Variants in BCKDHB observed in about 807,000 individuals in gnomAD.
BCKDHB encodes 2-oxoisovalerate dehydrogenase subunit beta, mitochondrial.
A neutral mutation model predicts 48.5 loss-of-function variants in BCKDHB; 41 were observed. That is an observed-to-expected ratio of 0.85 (90% CI 0.66 to 1.10). The LOEUF (loss-of-function observed/expected upper bound fraction) is 1.10, where lower values mean the gene tolerates loss of function less well. Among genes scored for constraint, BCKDHB ranks in the 50% least tolerant of loss-of-function variants. The probability of loss-of-function intolerance (pLI) is 0.00; values close to 1 mark genes in which losing one functional copy is unlikely to be tolerated. For synonymous variants in BCKDHB, 201 were observed against 174.8 expected (o/e 1.15, Z -1.18); for missense variants, 496 against 494.2 (o/e 1.00, Z -0.03).
chr6:80,282,801 A>G (rs115346724), intron 9 of BCKDHB, among the ~76,000 whole-genome samples: 2,334 of 152,220 alleles, frequency 0.015, 81 homozygotes, highest in African/African-American at 0.053. Flanking sequence ...ATGTACATAC[A>G]TGTCACTTTT....
the BCKDHB span, among the ~76,000 whole-genome samples, chr6:80,392,712 A>G: frequency 1.3e-5 from 2 of 151,528 alleles, no homozygotes; most frequent in African/African-American, 4.8e-5. Context: ...CCAAAACTGT[A>G]TTTTCTTATA....
At chr6:80,379,528 G>C in the BCKDHB span, among the ~76,000 whole-genome samples, 1 of 151,816 alleles carries the variant, frequency 6.6e-6, no homozygotes, top group Non-Finnish European at 1.5e-5. Context: ...TTCACTTCAG[G>C]TCTAGAACAA....
the BCKDHB span, among the ~76,000 whole-genome samples, chr6:80,359,711 C>G: frequency 2.0e-5 from 3 of 152,164 alleles, no homozygotes; most frequent in African/African-American, 4.8e-5. Context: ...TCTCCTGCCT[C>G]AGCCTCCTGA....
At chr6:80,458,155 G>T in the BCKDHB span, among the ~76,000 whole-genome samples, 1 of 152,184 alleles carries the variant, frequency 6.6e-6, no homozygotes, top group African/African-American at 2.4e-5. Flanking sequence ...GAAAAGCCAG[G>T]AGTGTTGAAG....
At chr6:80,397,559 C>CT in the BCKDHB span, among the ~76,000 whole-genome samples, 17 of 152,138 alleles carry the variant, frequency 1.1e-4, no homozygotes. Flanking sequence ...TTACTTTCTG[C>CT]TTTTTAAAAA....
intron 8 of BCKDHB, among the ~76,000 whole-genome samples, chr6:80,232,522 AG>A (rs1582407134): frequency 6.6e-6 from 1 of 151,370 alleles, no homozygotes; most frequent in East Asian, 1.9e-4. Flanking sequence ...CCCCCTTTTC[AG>A]TTATATACAT....
At chr6:80,229,784 A>G (rs915138342) in intron 8 of BCKDHB, among the ~76,000 whole-genome samples, 2 of 152,100 alleles carry the variant, frequency 1.3e-5, no homozygotes, top group African/African-American at 4.8e-5. Context: ...TCATATTATT[A>G]GTAAGAAATA....
intron 8 of BCKDHB, among the ~76,000 whole-genome samples, chr6:80,232,296 C>G (rs1235651265): frequency 3.3e-5 from 5 of 150,176 alleles, no homozygotes; most frequent in South Asian, 2.1e-4. Flanking sequence ...TTTTTAATCT[C>G]TACTTCTGAT....
chr6:80,137,895 G>A (rs1040613744), intron 3 of BCKDHB, among the ~76,000 whole-genome samples: 9 of 151,768 alleles, frequency 5.9e-5, no homozygotes, highest in South Asian at 4.2e-4. Context: ...ACCAGCCTGG[G>A]CAACATAGCA....
At chr6:80,390,321 G>A in the BCKDHB span, among the ~76,000 whole-genome samples, 3 of 12,044 alleles carry the variant, frequency 2.5e-4, no homozygotes, top group South Asian at 0.17. Flanking sequence ...GGGTCACTCC[G>A]CCAGGAAAAA....
chr6:80,117,725 A>C (rs887947896), intron 1 of BCKDHB, among the ~76,000 whole-genome samples: 1 of 152,242 alleles, frequency 6.6e-6, no homozygotes, highest in Non-Finnish European at 1.5e-5. Context: ...AGCCCAGCCC[A>C]TCCCTTTGTT....
chr6:80,172,138 T>C (rs1772947709), intron 6 of BCKDHB, among the ~76,000 whole-genome samples: 1 of 152,130 alleles, frequency 6.6e-6, no homozygotes, highest in Non-Finnish European at 1.5e-5. Context: ...GTGTTTGCTT[T>C]CTTTTACTCA....
At chr6:80,363,578 T>C in the BCKDHB span, among the ~76,000 whole-genome samples, 1 of 152,212 alleles carries the variant, frequency 6.6e-6, no homozygotes, top group South Asian at 2.1e-4. Context: ...AAATTATTCA[T>C]GTACTAAGCT....
intron 3 of BCKDHB, among the ~76,000 whole-genome samples, chr6:80,140,547 A>G (rs1291988555): frequency 7.9e-5 from 12 of 152,262 alleles, no homozygotes; most frequent in East Asian, 1.9e-4. Context: ...CCTTTTCTGC[A>G]TCTATTGAGA....
chr6:80,178,634 C>T (rs1773274589), intron 6 of BCKDHB, among the ~76,000 whole-genome samples: 1 of 152,140 alleles, frequency 6.6e-6, no homozygotes, highest in African/African-American at 2.4e-5. Context: ...CTTGTGTAGA[C>T]ATGGGGACTA....
the BCKDHB span, among the ~76,000 whole-genome samples, chr6:80,404,395 C>A: frequency 3.3e-5 from 5 of 151,842 alleles, no homozygotes; most frequent in South Asian, 1.0e-3. Flanking sequence ...CTTTGTGTTT[C>A]TATGGCATTG....
intron 9 of BCKDHB, among the ~76,000 whole-genome samples, chr6:80,310,199 C>G (rs1024941675): frequency 6.6e-6 from 1 of 152,016 alleles, no homozygotes; most frequent in Non-Finnish European, 1.5e-5. Context: ...ATCCCATCAC[C>G]CAAGTATTAA....
intron 3 of BCKDHB, among the ~76,000 whole-genome samples, chr6:80,135,400 C>A (rs1479499945): frequency 6.6e-6 from 1 of 151,942 alleles, no homozygotes; most frequent in East Asian, 1.9e-4. Flanking sequence ...GACATACAAG[C>A]AGATTGAATA....
At chr6:80,451,039 A>G in the BCKDHB span, among the ~76,000 whole-genome samples, 2,623 of 152,308 alleles carry the variant, frequency 0.017, 89 homozygotes, top group African/African-American at 0.058. Context: ...GTTATTTTTT[A>G]GAGACTTCTT....
Sources: allele counts gnomAD v4.1 joint callset (sites outside exome capture counted in the v4.1 genomes callset), GRCh38; gene constraint gnomAD v4.1.1; transcripts MANE v1.5; gene names NCBI Gene and HGNC (gene_info 2026-07-23, HGNC 2026-07-21).